The following DERL1 variants were observed in gnomAD, a reference collection of about 807,000 sequenced individuals.
DERL1 encodes derlin 1.
DERL1 carries 24 observed loss-of-function variants against 41.6 expected under a neutral mutation model. The observed-to-expected ratio is 0.58, with a 90% CI of 0.42 to 0.81. The LOEUF is 0.81. Ranked by LOEUF, DERL1 falls within the 30% of genes least tolerant of loss-of-function variation. The pLI is 0.00. For missense variants in DERL1, 260 were observed against 314.3 expected (o/e 0.83, Z 1.31); for synonymous variants, 124 against 112.5 (o/e 1.10, Z -0.65).
At chr8:123,028,455 G>T (rs1272087331) in intron 2 of DERL1, among the ~76,000 whole-genome samples, 1 of 152,198 alleles carries the variant, frequency 6.6e-6, no homozygotes, top group Non-Finnish European at 1.5e-5. Context: ...TGGGAGGAGG[G>T]AAAGTGGGAG....
intron 1 of DERL1, among the ~76,000 whole-genome samples, chr8:123,039,228 C>T (rs1812993963): frequency 6.6e-6 from 1 of 152,180 alleles, no homozygotes; most frequent in Non-Finnish European, 1.5e-5. Context: ...CCTAGCCCTT[C>T]CTCCTTCAAC....
intron 3 of DERL1, 48 bp downstream of exon 3, chr8:123,024,938 G>C: frequency 6.3e-7 from 1 of 1,593,206 alleles, no homozygotes; most frequent in Non-Finnish European, 8.6e-7. Flanking sequence ...CCCAAACCTG[G>C]AAAAAAACTG....
chr8:123,022,854 A>T, intron 4 of DERL1, 75 bp from the exon 5 acceptor site: 1 of 1,188,264 alleles, frequency 8.4e-7, no homozygotes, highest in South Asian at 1.2e-5. Context: ...TATGCTTTTT[A>T]CCCCTCCTCT....
At chr8:123,040,682 T>C (rs1330884691) in intron 1 of DERL1, among the ~76,000 whole-genome samples, 1 of 152,238 alleles carries the variant, frequency 6.6e-6, no homozygotes, top group Non-Finnish European at 1.5e-5. Flanking sequence ...TGATAATGGC[T>C]TGCAATGGAG....
rs977979531 is a variant in DERL1, at chr8:123,013,276, T to C, written c.*2171A>G. The C allele has an allele frequency of 1.7e-4, 26 of 152,192 alleles. 1 individual carries two copies. Among genetic ancestry groups the C allele is most frequent in the African/African-American group, 4.6e-4 (19 of 41,440 alleles). The allele number at this position is 152,192 out of a possible 1,614,324, so 9.4% of individuals were successfully genotyped here. The stretch of plus-strand genomic sequence containing the variant: ...TTCCTAAATGCTCTTCAAGAGATAA[T>C]TGGTTACACAAATTATGTGATATCT... On this transcript the variant is annotated 3_prime_UTR_variant, in exon 8 of 8. Coordinates refer to ENST00000259512, the MANE Select transcript of DERL1 (RefSeq NM_024295.6).
chr8:123,021,377 G>C, intron 6 of DERL1, 70 bp downstream of exon 6: 1 of 1,402,842 alleles, frequency 7.1e-7, no homozygotes, highest in Non-Finnish European at 1.0e-6. Flanking sequence ...ATAAAGGTTA[G>C]AGAAAGATAA....
rs368181077 is a variant in DERL1, at chr8:123,029,982, C to A, written c.265+623G>T. 2.6e-5 allele frequency among the ~76,000 whole-genome samples: 4 copies of A among 152,194 alleles called. No individual in the cohort carries two copies. The East Asian group carries it at 7.7e-4, about 29-fold the overall frequency. ...GGCTGAGGCATGAGAATTGCTTGAA[C>A]CCGAGAGGCAGAGGCTACAGTGAAC... On this transcript the variant is annotated intron_variant, in intron 2 of 7. Transcript: ENST00000259512.
At chr8:123,028,848 CTT>C (rs1812759906) in intron 2 of DERL1, among the ~76,000 whole-genome samples, 2 of 152,130 alleles carry the variant, frequency 1.3e-5, no homozygotes, top group Admixed American at 1.3e-4. Flanking sequence ...GGGCAAATCT[CTT>C]GAGCCCAGGA....
chr8:123,030,783 T>C (rs1474102306), intron 1 of DERL1, 67 bp from the exon 2 acceptor site: 2 of 1,102,826 alleles, frequency 1.8e-6, no homozygotes, highest in African/African-American at 1.6e-5. Flanking sequence ...CCCTTCTAAC[T>C]AAACAAAATT....
Position 123,040,593 on chromosome 8 carries a change from G to T in DERL1, c.153+1377C>A, listed in dbSNP as rs73711632. On this transcript the variant is annotated intron_variant, in intron 1 of 7. Transcript: ENST00000259512. The stretch of plus-strand genomic sequence containing the variant: ...AGACATGGTAGGATTCTGGACAGAG[G>T]AAAGACAGGACTTGATGTAGGTTTT... 6.5e-3 allele frequency among the ~76,000 whole-genome samples: 990 copies of T among 152,316 alleles called. 5 individuals are homozygous for T. The highest frequency in any genetic ancestry group is 0.023 in the African/African-American group (955 of 41,570).
chr8:123,025,157 A>AT, intron 2 of DERL1, 107 bp from the exon 3 acceptor site: 1 of 1,197,344 alleles, frequency 8.4e-7, no homozygotes, highest in Non-Finnish European at 1.2e-6. Flanking sequence ...AAATGAGAAC[A>AT]TTTTAAAAAC....
At chr8:123,018,888 C>A in intron 7 of DERL1, 1 of 358,904 alleles carries the variant, frequency 2.8e-6, no homozygotes, top group Admixed American at 4.7e-5. Flanking sequence ...CATTCACCAG[C>A]CTACTGTTTC....
At chr8:123,016,877 G>C (rs1442568536) in intron 7 of DERL1, 1 of 152,152 alleles carries the variant, frequency 6.6e-6, no homozygotes, top group Non-Finnish European at 1.5e-5. Context: ...GTCTCACTCT[G>C]TCACCAGGCT....
chr8:123,016,832 C>T (rs542741205), intron 7 of DERL1: 104 of 151,566 alleles, frequency 6.9e-4, no homozygotes, highest in African/African-American at 2.3e-3. Flanking sequence ...GACAACAACT[C>T]GGGTTTTTGT....
intron 2 of DERL1, among the ~76,000 whole-genome samples, chr8:123,026,109 T>C (rs1290174260): frequency 6.6e-6 from 1 of 151,858 alleles, no homozygotes; most frequent in Admixed American, 6.6e-5. Context: ...ACCCAACAAG[T>C]GTCAGTAAGG....
intron 1 of DERL1, among the ~76,000 whole-genome samples, chr8:123,037,557 T>G (rs766538494): frequency 2.6e-5 from 4 of 152,224 alleles, no homozygotes; most frequent in Non-Finnish European, 5.9e-5. Context: ...ATGATTCAAC[T>G]ACTTGAAATC....
chr8:123,032,152 C>T (rs975162729), intron 1 of DERL1, among the ~76,000 whole-genome samples: 4 of 151,018 alleles, frequency 2.6e-5, no homozygotes, highest in African/African-American at 7.3e-5. Context: ...TTTTCCCCCC[C>T]GAGATAGGAT....
At chr8:123,032,863 CT>C (rs200724608) in intron 1 of DERL1, among the ~76,000 whole-genome samples, 54,400 of 121,692 alleles carry the variant, frequency 0.45, 9,885 homozygotes, top group African/African-American at 0.6. Context: ...TTTCTATTTT[CT>C]TTTTTTTTTT....
chr8:123,023,818 A>G (rs1812621112), intron 3 of DERL1, 79 bp from the exon 4 acceptor site: 1 of 1,510,986 alleles, frequency 6.6e-7, no homozygotes, highest in African/African-American at 1.4e-5. Context: ...TTTTCCTCCC[A>G]TTTAAAAGTT....
Sources: gnomAD v4.1 joint callset for allele counts (sites outside exome capture counted in the v4.1 genomes callset) on GRCh38, gnomAD v4.1.1 for gene constraint, MANE v1.5 for transcripts, NCBI Gene and HGNC (gene_info 2026-07-23, HGNC 2026-07-21) for gene names.